Variants in POLR3GL observed in about 807,000 individuals in gnomAD.
The protein encoded by POLR3GL is RNA polymerase III subunit GL, also known as DNA-directed RNA polymerase III subunit RPC7-like.
POLR3GL carries 26 observed loss-of-function variants against 32.4 expected under a neutral mutation model. The ratio of observed to expected loss-of-function variants is 0.80; its 90% CI spans 0.59 to 1.11. POLR3GL has a LOEUF of 1.11. Among genes scored for constraint, POLR3GL ranks in the 50% most tolerant of loss-of-function variants. The pLI is 0.00. For missense variants in POLR3GL, 229 were observed against 280.1 expected (o/e 0.82, Z 1.30); for synonymous variants, 95 against 98.7 (o/e 0.96, Z 0.22).
intron 6 of POLR3GL, 57 bp from the exon 7 acceptor site, chr1:145,977,926 A>G (rs200242575): frequency 1.7e-5 from 28 of 1,613,742 alleles, no homozygotes; most frequent in Non-Finnish European, 2.4e-5. Context: ...GTGTGCCTCA[A>G]TTTTTCCCTT....
chr1:145,968,370 A>G (rs147276481), intron 1 of POLR3GL, among the ~76,000 whole-genome samples: 37 of 152,276 alleles, frequency 2.4e-4, no homozygotes, highest in Admixed American at 4.6e-4. Context: ...GCATTCTTAG[A>G]GGATCACTCA....
intron 1 of POLR3GL, among the ~76,000 whole-genome samples, chr1:145,966,272 G>C (rs776369885): frequency 7.3e-5 from 11 of 151,608 alleles, no homozygotes; most frequent in Non-Finnish European, 1.0e-4. Context: ...TTTAGCCCAG[G>C]AGTTCAAGAC....
chr1:145,975,746 A>G (rs1462555681), intron 3 of POLR3GL, among the ~76,000 whole-genome samples: 1 of 152,026 alleles, frequency 6.6e-6, no homozygotes, highest in Admixed American at 6.5e-5. Context: ...TATGTTGTCC[A>G]GGCTGGTCTT....
chr1:145,966,760 G>A (rs1047182276), intron 1 of POLR3GL, among the ~76,000 whole-genome samples: 1 of 151,818 alleles, frequency 6.6e-6, no homozygotes, highest in African/African-American at 2.4e-5. Flanking sequence ...TTGCACTCCA[G>A]CCTGGACGAC....
chr1:145,971,777 C>T (rs1553762701), intron 1 of POLR3GL, among the ~76,000 whole-genome samples: 1 of 150,526 alleles, frequency 6.6e-6, no homozygotes, highest in Non-Finnish European at 1.5e-5. Flanking sequence ...CCAGACTGAC[C>T]AACATGGTGA....
At chr1:145,975,173 A>ATAATATGT (rs1330198324) in intron 2 of POLR3GL, 134 bp from the exon 3 acceptor site, 6 of 1,345,500 alleles carry the variant, frequency 4.5e-6, no homozygotes, top group Non-Finnish European at 6.1e-6. Context: ...AGCTTTCAAA[A>ATAATATGT]TAATATGTTA....
At chr1:145,972,027 T>TGTGTGTGTGG (rs1650342520) in intron 1 of POLR3GL, among the ~76,000 whole-genome samples, 1 of 139,054 alleles carries the variant, frequency 7.2e-6, no homozygotes, top group African/African-American at 2.8e-5. Context: ...TGTGTGTGTG[T>TGTGTGTGTGG]GTGTATATAT....
At chr1:145,975,985 T>A (rs75665424) in intron 3 of POLR3GL, among the ~76,000 whole-genome samples, 2 of 141,210 alleles carry the variant, frequency 1.4e-5, no homozygotes. Context: ...AAAAAAAAAA[T>A]CATCATGGCC....
chr1:145,972,697 TGTTTGTTTTTC>T (rs1364088169), intron 1 of POLR3GL, among the ~76,000 whole-genome samples: 8 of 152,102 alleles, frequency 5.3e-5, no homozygotes, highest in Non-Finnish European at 1.5e-5. Flanking sequence ...TTCTCCTTTT[TGTTTGTTTTTC>T]GTTTGTTTGA....
intron 1 of POLR3GL, among the ~76,000 whole-genome samples, chr1:145,973,729 G>A (rs1030180069): frequency 1.3e-5 from 2 of 150,390 alleles, no homozygotes; most frequent in African/African-American, 4.9e-5. Flanking sequence ...AAAAAAAGAA[G>A]ACACACACAT....
chr1:145,977,578 T>C (rs1553763658), intron 5 of POLR3GL, 39 bp downstream of exon 5: 3 of 1,580,680 alleles, frequency 1.9e-6, no homozygotes, highest in Non-Finnish European at 2.6e-6. Flanking sequence ...AAGAGAGGTT[T>C]CCTTCATCAG....
rs1265710054 is a variant in POLR3GL, at chr1:145,978,373, A to G, written c.583A>G (p.Ile195Val). The change falls in exon 8 of 8, where the codon ATC becomes GTC. Residue 195 changes from isoleucine to valine, a missense_variant. Ile to Val is a conservative substitution (Grantham distance 29). Transcript: ENST00000369314. ...TTTTCCATTTCAGGAAACTGATTACATCATGTCATATTTTGACAATGGAGA... is the reference window on the plus strand; with the variant it reads ...TTTTCCATTTCAGGAAACTGATTACGTCATGTCATATTTTGACAATGGAGA... ...EEEHEEETDY[I>V]MSYFDNGEDF... 6.3e-7 allele frequency: 1 copy of G among 1,598,112 alleles called. No individual in the cohort carries two copies. The highest frequency in any genetic ancestry group is 8.6e-7 in the Non-Finnish European group (1 of 1,167,536).
intron 3 of POLR3GL, 32 bp from the exon 4 acceptor site, chr1:145,977,052 A>G: frequency 6.3e-7 from 1 of 1,576,080 alleles, no homozygotes; most frequent in Non-Finnish European, 8.7e-7. Context: ...GGGTCTCTGA[A>G]GGGATAAAAC....
At position 145,964,721 on chromosome 1, in the gene POLR3GL, A is replaced by C. The variant is rs951737877; in HGVS notation, c.-89A>C. ...CCACCGACTTGAGGAAGCCCAGTAC[A>C]TTTCAAGTTGGTCGCGGCTTGGGCT... On this transcript the variant is annotated 5_prime_UTR_variant, in exon 1 of 8. Coordinates refer to ENST00000369314, the MANE Select transcript of POLR3GL (RefSeq NM_032305.3). 6.6e-6 allele frequency: 1 copy of C among 152,214 alleles called. No individual in the cohort carries two copies. Among genetic ancestry groups the C allele is most frequent in the African/African-American group, 2.4e-5 (1 of 41,412 alleles). 9.4% of individuals were successfully genotyped at this position (152,214 alleles called of 1,614,324 possible). A position where few individuals can be genotyped will look rare whatever the true frequency, so the allele number is the denominator to read the frequency against.
rs782309191 is a variant in POLR3GL at position 145,974,958 on chromosome 1, C to T, written c.93C>T (p.Pro31=). The change falls in exon 2 of 8, where the codon CCC becomes CCT. Residue 31 remains proline (P), a synonymous_variant. Coordinates refer to ENST00000369314, the MANE Select transcript of POLR3GL (RefSeq NM_032305.3). The stretch of plus-strand genomic sequence containing the variant: ...GCATTGGGAAAGGGGATGCTTTGCC[C>T]CCACCCACCCTGCAGCCTTCTCCAC... The part of the protein sequence containing the change: ...AVGIGKGDAL[P]PPTLQPSPLF... 1.3e-6 allele frequency: 2 copies of T among 1,518,882 alleles called. No homozygotes were observed. The highest frequency in any genetic ancestry group is 2.5e-5 in the Admixed American group (1 of 39,944). The allele number at this position is 1,518,882 out of a possible 1,614,324, so 94.1% of individuals were successfully genotyped here.
intron 1 of POLR3GL, among the ~76,000 whole-genome samples, chr1:145,967,984 T>C (rs1448567024): frequency 6.6e-6 from 1 of 152,248 alleles, no homozygotes; most frequent in Admixed American, 6.5e-5. Context: ...TTCAAAACCA[T>C]ATTCTTAACC....
At chr1:145,972,335 G>A (rs1281682650) in intron 1 of POLR3GL, among the ~76,000 whole-genome samples, 2 of 150,448 alleles carry the variant, frequency 1.3e-5, no homozygotes, top group South Asian at 2.1e-4. Flanking sequence ...AGCCGAGATC[G>A]TGCCGTTGTA....
At position 145,977,545 on chromosome 1, in the gene POLR3GL, TG is replaced by T. The variant is rs782632643; in HGVS notation, c.382+7del. ...GCGGAAGCTACAGAAGGAACGTGAGTGTATCTGGAAAAAAGGAGGGAGAAGA... is the reference window on the plus strand; with the variant it reads ...GCGGAAGCTACAGAAGGAACGTGAGTTATCTGGAAAAAAGGAGGGAGAAGA... On this transcript the variant is annotated splice_region_variant and intron_variant, in intron 5 of 7. Transcript: ENST00000369314. 1.9e-6 allele frequency: 3 copies of T among 1,613,468 alleles called. No individual in the cohort carries two copies.
intron 1 of POLR3GL, among the ~76,000 whole-genome samples, chr1:145,966,425 G>C (rs1650032160): frequency 6.8e-6 from 1 of 147,084 alleles, no homozygotes; most frequent in African/African-American, 2.5e-5. Flanking sequence ...AGGCTGCAGT[G>C]AGCCAAAATT....
Sources: gnomAD v4.1 joint callset for allele counts (sites outside exome capture counted in the v4.1 genomes callset) on GRCh38, gnomAD v4.1.1 for gene constraint, MANE v1.5 for transcripts, NCBI Gene and HGNC (gene_info 2026-07-23, HGNC 2026-07-21) for gene names.